CLDN14: variants seen among roughly 807,000 people sequenced by gnomAD.
CLDN14 encodes claudin 14, also known as claudin-14.
CLDN14 carries 2 observed loss-of-function variants against 2.1 expected under a neutral mutation model. The ratio of observed to expected loss-of-function variants is 0.96; its 90% CI spans 0.39 to 3.01. The LOEUF (loss-of-function observed/expected upper bound fraction) is 3.01, where lower values mean the gene tolerates loss of function less well. Ranked by LOEUF, CLDN14 falls within the 30% of genes most tolerant of loss-of-function variation. CLDN14 has a pLI of 0.09. For missense variants in CLDN14, 298 were observed against 328.0 expected, an observed-to-expected ratio of 0.91 and a Z score of 0.71; for synonymous variants, 136 against 154.4, an observed-to-expected ratio of 0.88 and a Z score of 0.88.
chr21:36,489,131 A>AAAAAAAATAT, intron 2 of CLDN14, among the ~76,000 whole-genome samples: 8 of 62,742 alleles, frequency 1.3e-4, no homozygotes, highest in African/African-American at 2.3e-4. Flanking sequence ...AAAAAAAAAA[A>AAAAAAAATAT]ATATATATAT....
intron 1 of CLDN14, among the ~76,000 whole-genome samples, chr21:36,558,992 G>A (rs2087616293): frequency 1.3e-5 from 2 of 152,076 alleles, no homozygotes. Flanking sequence ...TTGCCTTACT[G>A]CTCTTACAAG....
intron 1 of CLDN14, among the ~76,000 whole-genome samples, chr21:36,517,036 C>G (rs1018359067): frequency 2.6e-5 from 4 of 151,680 alleles, no homozygotes; most frequent in African/African-American, 9.7e-5. Flanking sequence ...GACGGGGTTT[C>G]GCCAAGTTGG....
chr21:36,487,339 G>A (rs372232065), intron 2 of CLDN14: 2 of 229,348 alleles, frequency 8.7e-6, no homozygotes, highest in African/African-American at 4.7e-5. Flanking sequence ...GCCTGCAGCT[G>A]GGTGGGGAAG....
intron 2 of CLDN14, among the ~76,000 whole-genome samples, chr21:36,488,058 G>A (rs1047970372): frequency 1.3e-5 from 2 of 152,200 alleles, no homozygotes; most frequent in African/African-American, 2.4e-5. Flanking sequence ...CAGGCCAGGC[G>A]TGCACTGAGA....
intron 1 of CLDN14, among the ~76,000 whole-genome samples, chr21:36,519,208 CATT>C (rs1157137410): frequency 2.0e-5 from 3 of 152,222 alleles, no homozygotes; most frequent in Non-Finnish European, 4.4e-5. Context: ...GAAGGAACTG[CATT>C]ATTACGCTCT....
chr21:36,554,443 G>A (rs866548531), intron 1 of CLDN14, among the ~76,000 whole-genome samples: 5 of 152,186 alleles, frequency 3.3e-5, no homozygotes, highest in African/African-American at 1.2e-4. Flanking sequence ...AGGCAGGTGC[G>A]TAACAGCCAT....
intron 1 of CLDN14, among the ~76,000 whole-genome samples, chr21:36,534,559 G>T (rs2087409371): frequency 6.6e-6 from 1 of 152,200 alleles, no homozygotes; most frequent in Admixed American, 6.5e-5. Context: ...TGTGTGTGGG[G>T]TGAGCGGGCA....
At chr21:36,487,250 TG>T (rs2086907702) in intron 2 of CLDN14, 1 of 210,210 alleles carries the variant, frequency 4.8e-6, no homozygotes, top group Admixed American at 5.4e-5. Context: ...CTCAAAGTGC[TG>T]GGATTACAGG....
At chr21:36,486,038 G>T (rs2086891743) in intron 2 of CLDN14, 1 of 1,441,760 alleles carries the variant, frequency 6.9e-7, no homozygotes, top group Non-Finnish European at 9.7e-7. Flanking sequence ...GGCCTGGCAG[G>T]CCAGGGAGCC....
chr21:36,509,402 G>A (rs776640504), intron 2 of CLDN14, among the ~76,000 whole-genome samples: 1 of 152,182 alleles, frequency 6.6e-6, no homozygotes, highest in Non-Finnish European at 1.5e-5. Context: ...GAAGGAGTTA[G>A]AATGGGATGA....
At chr21:36,572,913 C>G (rs771761338) in intron 1 of CLDN14, among the ~76,000 whole-genome samples, 9 of 152,206 alleles carry the variant, frequency 5.9e-5, no homozygotes, top group Non-Finnish European at 5.9e-5. Context: ...CTTCCCTGCT[C>G]CCTGCCAAAA....
At chr21:36,543,724 C>T (rs372203158) in intron 1 of CLDN14, among the ~76,000 whole-genome samples, 7 of 150,896 alleles carry the variant, frequency 4.6e-5, no homozygotes, top group African/African-American at 1.4e-4. Flanking sequence ...CGACTTGAAC[C>T]CAGGCATCTA....
At position 36,533,384 on chromosome 21, in the gene CLDN14, AT is replaced by A. The variant is rs2087396738; in HGVS notation, c.-219-22885del. 2.0e-5 allele frequency among the ~76,000 whole-genome samples: 3 copies of A among 152,310 alleles called. No individual in the cohort carries two copies. In the South Asian group the frequency reaches 6.2e-4, roughly 32 times the overall value. ...GTTAACCACTAAACTCCATCTGTTA[AT>A]GTCCTCTGTAGGCCAAATACTCCAT... is the stretch of plus-strand genomic sequence containing the variant. On this transcript the variant is annotated intron_variant, in intron 1 of 2. Coordinates refer to the CLDN14 transcript ENST00000342108.
chr21:36,571,072 C>T (rs1299971707), intron 1 of CLDN14, among the ~76,000 whole-genome samples: 1 of 152,222 alleles, frequency 6.6e-6, no homozygotes, highest in Non-Finnish European at 1.5e-5. Flanking sequence ...GAACTCCTGA[C>T]CTCATGATCT....
In CLDN14 at chr21:36,498,100, A is replaced by G. The variant is rs184854661; in HGVS notation, c.-82+12263T>C. ...CTGCAACCTCCACCGCCCGGGGTTCAAGCGATTCTCCTGTCTCAGCCTCAT... is the reference window on the plus strand; with the variant it reads ...CTGCAACCTCCACCGCCCGGGGTTCGAGCGATTCTCCTGTCTCAGCCTCAT... On this transcript the variant is annotated intron_variant, in intron 2 of 2. Coordinates refer to the CLDN14 transcript ENST00000342108. The surrounding 1 kb of genome is among the most constrained non-coding windows in gnomAD (Gnocchi z 4.9). Among the ~76,000 whole-genome samples, 1 of 152,048 alleles carries G rather than the reference A, an allele frequency of 6.6e-6. No homozygotes were observed. The highest frequency in any genetic ancestry group is 6.6e-5 in the Admixed American group (1 of 15,250).
intron 1 of CLDN14, among the ~76,000 whole-genome samples, chr21:36,554,510 G>T (rs552270417): frequency 6.6e-6 from 1 of 152,282 alleles, no homozygotes; most frequent in Middle Eastern, 3.4e-3. Flanking sequence ...CCGCCTTGTT[G>T]GGAGTGTTTC....
At chr21:36,569,410 C>T (rs533797468) in intron 1 of CLDN14, among the ~76,000 whole-genome samples, 12 of 140,282 alleles carry the variant, frequency 8.6e-5, no homozygotes, top group African/African-American at 3.2e-4. Context: ...AGTGAGACTC[C>T]GTCTCAAAAA....
At chr21:36,463,169 G>A (rs1387365454) in intron 1 of CLDN14, among the ~76,000 whole-genome samples, 2 of 152,230 alleles carry the variant, frequency 1.3e-5, no homozygotes, top group East Asian at 1.9e-4. Context: ...CGAGCATTAG[G>A]AGGTCCCAGC....
intron 2 of CLDN14, chr21:36,486,819 G>T: frequency 1.3e-6 from 1 of 741,506 alleles, no homozygotes. Flanking sequence ...GAGCCAGATG[G>T]GCCATGTGGA....
Sources: allele counts gnomAD v4.1 joint callset (sites outside exome capture counted in the v4.1 genomes callset), GRCh38; gene constraint gnomAD v4.1.1; non-coding constraint Gnocchi (gnomAD v3.1); transcripts MANE v1.5; gene names NCBI Gene and HGNC (gene_info 2026-07-23, HGNC 2026-07-21).